CSMD2: variants seen among roughly 807,000 people sequenced by gnomAD.
CSMD2 encodes the protein CUB and Sushi multiple domains 2, also known as CUB and sushi domain-containing protein 2.
A neutral mutation model predicts 398.5 loss-of-function variants in CSMD2; 130 were observed. The observed-to-expected ratio is 0.33, with a 90% confidence interval of 0.28 to 0.38. CSMD2 has a LOEUF of 0.38. Among genes scored for constraint, CSMD2 ranks in the 10% least tolerant of loss-of-function variants. The pLI is 1.00. For missense variants in CSMD2, 3,829 were observed against 4,764.9 expected (o/e 0.80, Z 5.78); for synonymous variants, 1,828 against 1,908.5 (o/e 0.96, Z 1.10).
chr1:34,153,157 C>G (rs554836117), intron 1 of CSMD2, among the ~76,000 whole-genome samples: 52 of 152,334 alleles, frequency 3.4e-4, no homozygotes, highest in African/African-American at 1.2e-3. Flanking sequence ...GCTGGGACTA[C>G]AGGTGCGCAC....
At chr1:33,851,297 A>T (rs1638691022) in intron 5 of CSMD2, among the ~76,000 whole-genome samples, 1 of 152,130 alleles carries the variant, frequency 6.6e-6, no homozygotes, top group South Asian at 2.1e-4. Context: ...TTCCTTCTCC[A>T]TCAATAGCAT....
At chr1:34,074,725 GAC>G (rs60737142) in intron 2 of CSMD2, among the ~76,000 whole-genome samples, 2,568 of 151,124 alleles carry the variant, frequency 0.017, 25 homozygotes, top group Middle Eastern at 0.048. Flanking sequence ...AAATGAAGAA[GAC>G]ACACACACAC....
At chr1:34,073,705 C>T (rs1655992139) in intron 2 of CSMD2, among the ~76,000 whole-genome samples, 1 of 152,170 alleles carries the variant, frequency 6.6e-6, no homozygotes, top group Non-Finnish European at 1.5e-5. Flanking sequence ...AATGAAAAGG[C>T]ATTTTGGTAT....
chr1:33,663,226 G>T, intron 25 of CSMD2, 134 bp from the exon 26 acceptor site: 1 of 690,658 alleles, frequency 1.4e-6, no homozygotes, highest in Non-Finnish European at 2.4e-6. Context: ...CCAGCAGGAG[G>T]GGAGAGAAGG....
chr1:33,771,499 TA>T (rs375627316), intron 13 of CSMD2, among the ~76,000 whole-genome samples: 5 of 152,340 alleles, frequency 3.3e-5, no homozygotes, highest in African/African-American at 1.2e-4. Context: ...CAAGACTTTT[TA>T]CATAAATAAA....
intron 41 of CSMD2, among the ~76,000 whole-genome samples, chr1:33,606,743 G>T (rs976517148): frequency 6.6e-6 from 1 of 152,198 alleles, no homozygotes; most frequent in Non-Finnish European, 1.5e-5. Context: ...TGTGTGGGAA[G>T]CCAGGAGCAG....
Position 33,583,573 on chromosome 1 carries a change from A to G in CSMD2, c.7240+69T>C, listed in dbSNP as rs191355821. ...CCCTGATAGGAAAACTGCAGCACAG[A>G]CTCCTCGGGTTCTGGAGCAAGTCCA... On this transcript the variant is annotated intron_variant, in intron 47 of 70. Coordinates refer to ENST00000373381, the MANE Select transcript of CSMD2 (RefSeq NM_001281956.2). The G allele has an allele frequency of 2.4e-4, 354 of 1,475,364 alleles. 4 individuals carry two copies. In the African/African-American group the frequency reaches 4.3e-3, roughly 18 times the overall value. The allele number at this position is 1,475,364 out of a possible 1,614,324, so 91.4% of individuals were successfully genotyped here.
Position 34,143,300 on chromosome 1 carries a change from C to G in CSMD2, c.187+21611G>C, listed in dbSNP as rs1398128166. Among the ~76,000 whole-genome samples, 5 of 152,208 alleles carry G rather than the reference C, an allele frequency of 3.3e-5. No homozygotes were observed. The East Asian group carries it at 5.8e-4, about 18-fold the overall frequency. ...CAGGCCATTAACAATAATAGCTTTA[C>G]CAGGTGAAAAACTTGCGATTGACTC... On this transcript the variant is annotated intron_variant, in intron 1 of 70. Coordinates refer to ENST00000373381, the MANE Select transcript of CSMD2 (RefSeq NM_001281956.2).
chr1:34,040,060 G>T (rs1359727828), intron 2 of CSMD2, among the ~76,000 whole-genome samples: 2 of 151,914 alleles, frequency 1.3e-5, no homozygotes, highest in Non-Finnish European at 2.9e-5. Flanking sequence ...GCTACTCAGG[G>T]GGCTTAAGTG....
chr1:34,077,116 T>A (rs1202665005), intron 2 of CSMD2, among the ~76,000 whole-genome samples: 1 of 150,962 alleles, frequency 6.6e-6, no homozygotes, highest in African/African-American at 2.4e-5. Context: ...AGCCTTTTGT[T>A]GGAACGCATC....
At chr1:33,639,398 T>C (rs1159580128) in intron 29 of CSMD2, among the ~76,000 whole-genome samples, 1 of 152,260 alleles carries the variant, frequency 6.6e-6, no homozygotes, top group Non-Finnish European at 1.5e-5. Context: ...AGAATGTCCT[T>C]TCTTTCCTTA....
intron 1 of CSMD2, among the ~76,000 whole-genome samples, chr1:34,159,333 C>CG (rs1641100395): frequency 4.3e-5 from 3 of 69,334 alleles, no homozygotes; most frequent in African/African-American, 1.5e-4. Flanking sequence ...AGCCTGCCCC[C>CG]CCCCCACCCA....
In CSMD2 at chr1:34,078,811, A is replaced by G. The variant is rs534533111; in HGVS notation, c.404+10166T>C. Among the ~76,000 whole-genome samples, 4 of 152,314 alleles carry G rather than the reference A, an allele frequency of 2.6e-5. No individual in the cohort carries two copies. In the East Asian group the frequency reaches 7.7e-4, roughly 29 times the overall value. On this transcript the variant is annotated intron_variant, in intron 2 of 70. Transcript: ENST00000373381. ...AGGCCCCAAGAACACATTTCACTGGAGACTGAAATTCACTGCAGACTGATT... is the reference window on the plus strand; with the variant it reads ...AGGCCCCAAGAACACATTTCACTGGGGACTGAAATTCACTGCAGACTGATT...
upstream of CSMD2, chr1:34,165,259 G>A (rs1237700270): frequency 8.4e-7 from 1 of 1,184,946 alleles, no homozygotes; most frequent in Non-Finnish European, 1.0e-6. Context: ...GCCGGGGAGA[G>A]GCGCGCTGCG....
chr1:34,100,719 C>T (rs1265519462), intron 1 of CSMD2, among the ~76,000 whole-genome samples: 3 of 152,178 alleles, frequency 2.0e-5, no homozygotes, highest in Non-Finnish European at 4.4e-5. Flanking sequence ...TAGCCATTCT[C>T]CTATTGTCAA....
chr1:33,698,747 T>G lies in CSMD2; in HGVS notation c.3925+6A>C. Reference sequence around the variant, plus strand: ...AGGGTTCCCTGCAGAGGAAGAGCCCTCCTACCGACACAGGTGGGCAGAGGC... The same window carrying G: ...AGGGTTCCCTGCAGAGGAAGAGCCCGCCTACCGACACAGGTGGGCAGAGGC... On this transcript the variant is annotated splice_donor_region_variant and intron_variant, in intron 24 of 70. Transcript: ENST00000373381. The G allele has an allele frequency of 6.2e-7, 1 of 1,609,024 alleles. No homozygotes were observed.
intron 2 of CSMD2, among the ~76,000 whole-genome samples, chr1:34,070,093 T>C (rs1338500334): frequency 2.0e-5 from 3 of 152,188 alleles, no homozygotes; most frequent in Non-Finnish European, 4.4e-5. Context: ...AAAGAAAATC[T>C]TTACTCTTCT....
At chr1:34,114,295 T>C (rs1661386965) in intron 1 of CSMD2, among the ~76,000 whole-genome samples, 1 of 53,368 alleles carries the variant, frequency 1.9e-5, no homozygotes, top group African/African-American at 6.3e-5. Flanking sequence ...GAGAACTCCT[T>C]TGTTGTTGTT....
intron 26 of CSMD2, among the ~76,000 whole-genome samples, chr1:33,662,064 G>A (rs1339660732): frequency 6.6e-6 from 1 of 152,204 alleles, no homozygotes; most frequent in African/African-American, 2.4e-5. Context: ...CACTTCAGAG[G>A]AGATGAGATG....
Sources: allele counts gnomAD v4.1 joint callset (sites outside exome capture counted in the v4.1 genomes callset), GRCh38; gene constraint gnomAD v4.1.1; transcripts MANE v1.5; gene names NCBI Gene and HGNC (gene_info 2026-07-23, HGNC 2026-07-21).